Variants in TLL2 observed in about 807,000 individuals in gnomAD.
TLL2 encodes tolloid-like protein 2.
In TLL2, 106 loss-of-function variants were observed where a neutral mutation model predicts 123.0. The ratio of observed to expected loss-of-function variants is 0.86; its 90% confidence interval spans 0.74 to 1.01. The LOEUF (loss-of-function observed/expected upper bound fraction) is 1.01. Among genes scored for constraint, TLL2 ranks in the 50% least tolerant of loss-of-function variants. TLL2 has a pLI of 0.00. For missense variants in TLL2, 1,332 were observed against 1,336.7 expected (o/e 1.00, Z 0.06); for synonymous variants, 494 against 516.8 (o/e 0.96, Z 0.60).
At chr10:96,441,341 G>A (rs1192730996) in intron 3 of TLL2, among the ~76,000 whole-genome samples, 2 of 152,330 alleles carry the variant, frequency 1.3e-5, no homozygotes, top group Middle Eastern at 3.4e-3. Context: ...GCTGAAGGCC[G>A]CTAAGTAAAG....
Position 96,387,067 on chromosome 10 carries a change from A to T in TLL2, c.1738T>A (p.Cys580Ser), listed in dbSNP as rs1347243076. The T allele has an allele frequency of 1.2e-6, 2 of 1,613,186 alleles. No individual in the cohort carries two copies. The highest frequency in any genetic ancestry group is 2.7e-5 in the African/African-American group (2 of 75,028). Residue 580 changes from cysteine (C) to serine (S), a missense_variant, in exon 14 of 21, where the codon TGT (cysteine) becomes AGT (serine). By Grantham distance (112) the Cys-to-Ser change is moderately radical. Transcript: ENST00000357947. Reference sequence around the variant, plus strand: ...CACCCGCCGTGATCTGGCCAGGAACACTCATCCACCTCTGGTGGGGAAGGA... The same window carrying T: ...CACCCGCCGTGATCTGGCCAGGAACTCTCATCCACCTCTGGTGGGGAAGGA... ...AANFFKEVDE[C>S]SWPDHGGCEH...
At chr10:96,393,112 A>G (rs888635688) in intron 13 of TLL2, among the ~76,000 whole-genome samples, 1 of 152,186 alleles carries the variant, frequency 6.6e-6, no homozygotes, top group Non-Finnish European at 1.5e-5. Flanking sequence ...AAAGAAATAG[A>G]TTCTCCCTTA....
At position 96,376,826 on chromosome 10, in the gene TLL2, G is replaced by T; in HGVS notation, c.2321-7C>A. ...ATCTTGTGTGCACAGCCAGCTGGGG[G>T]TGGCAGGGGGACACATACAAAGAGA... On this transcript the variant is annotated splice_polypyrimidine_tract_variant and splice_region_variant and intron_variant, in intron 17 of 20. Coordinates refer to ENST00000357947, the MANE Select transcript of TLL2 (RefSeq NM_012465.4). 1 of 1,517,912 alleles carries T rather than the reference G, an allele frequency of 6.6e-7. No homozygotes were observed. Among genetic ancestry groups the T allele is most frequent in the Non-Finnish European group, 8.8e-7 (1 of 1,136,756 alleles). The allele number at this position is 1,517,912 out of a possible 1,614,324, so 94.0% of individuals were successfully genotyped here. A position where few individuals can be genotyped will look rare whatever the true frequency, so the allele number is the denominator to read the frequency against.
chr10:96,452,971 CAAATTT>C lies in TLL2; in HGVS notation c.287-6809_287-6804del, dbSNP rs554305444. Among the ~76,000 whole-genome samples the C allele has an allele frequency of 5.7e-3, 864 of 152,258 alleles. 15 individuals are homozygous for C. The South Asian group carries it at 0.074, about 13-fold the overall frequency. ...TGCCAAGTAACTTTTATATCCGTGCCAAATTTCATATGCTACAGAAGAGAACGGGAA... is the reference window on the plus strand; with the variant it reads ...TGCCAAGTAACTTTTATATCCGTGCCCATATGCTACAGAAGAGAACGGGAA... On this transcript the variant is annotated intron_variant, in intron 2 of 20. Transcript: ENST00000357947.
intron 13 of TLL2, among the ~76,000 whole-genome samples, chr10:96,390,742 G>A (rs1846279223): frequency 6.6e-6 from 1 of 152,222 alleles, no homozygotes; most frequent in Non-Finnish European, 1.5e-5. Flanking sequence ...GGAAAAGGCT[G>A]GGCTGGGGAA....
At chr10:96,494,326 T>C (rs1320590449) in intron 1 of TLL2, among the ~76,000 whole-genome samples, 1 of 152,162 alleles carries the variant, frequency 6.6e-6, no homozygotes, top group East Asian at 1.9e-4. Flanking sequence ...CGCTGCCACC[T>C]CCTATCACCA....
intron 9 of TLL2, among the ~76,000 whole-genome samples, chr10:96,405,678 C>G (rs536410455): frequency 6.6e-6 from 1 of 152,138 alleles, no homozygotes; most frequent in Non-Finnish European, 1.5e-5. Context: ...AAGGGGTCAG[C>G]GAAGTTCAGA....
rs573266016 is a variant in TLL2, at chr10:96,376,451, G to A, written c.2448+241C>T. On this transcript the variant is annotated intron_variant, in intron 18 of 20. Transcript: ENST00000357947. ...GTGGGTGGTGGATGCCGCCTCCTGC[G>A]GGTCCCACTGTGCCCAGGTGTGACC... is the stretch of plus-strand genomic sequence containing the variant. Among the ~76,000 whole-genome samples, 6 of 152,350 alleles carry A rather than the reference G, an allele frequency of 3.9e-5. No homozygotes were observed. The East Asian group carries it at 5.8e-4, about 15-fold the overall frequency.
intron 2 of TLL2, among the ~76,000 whole-genome samples, chr10:96,479,825 G>A (rs1472502155): frequency 6.6e-6 from 1 of 152,164 alleles, no homozygotes; most frequent in Non-Finnish European, 1.5e-5. Flanking sequence ...CTCAAATAAG[G>A]AGAGTCCCCC....
intron 4 of TLL2, 49 bp from the exon 5 acceptor site, chr10:96,428,797 C>A: frequency 8.1e-7 from 1 of 1,233,028 alleles, no homozygotes. Flanking sequence ...TCCATATTTT[C>A]TTTAGATGCT....
intron 9 of TLL2, 149 bp from the exon 10 acceptor site, chr10:96,405,483 A>G (rs1846441083): frequency 6.0e-6 from 4 of 671,102 alleles, no homozygotes; most frequent in Non-Finnish European, 1.0e-5. Flanking sequence ...GCATGCTCAC[A>G]GGAAACCTAA....
intron 1 of TLL2, among the ~76,000 whole-genome samples, chr10:96,481,726 T>G (rs979535527): frequency 2.0e-5 from 3 of 152,214 alleles, no homozygotes; most frequent in Non-Finnish European, 2.9e-5. Flanking sequence ...CCTTGGTTGT[T>G]ATTAACTATG....
intron 17 of TLL2, 71 bp downstream of exon 17, chr10:96,378,896 A>T (rs1846160871): frequency 6.3e-7 from 1 of 1,586,214 alleles, no homozygotes; most frequent in Admixed American, 1.7e-5. Context: ...TTACTCATGC[A>T]CATGCACACA....
At chr10:96,442,712 A>G (rs556914191) in intron 3 of TLL2, among the ~76,000 whole-genome samples, 165 of 152,180 alleles carry the variant, frequency 1.1e-3, no homozygotes, top group African/African-American at 3.5e-3. Context: ...GCTGTGCACA[A>G]CCCCACCAGA....
chr10:96,367,928 G>T lies in TLL2; in HGVS notation c.*160C>A. The T allele has an allele frequency of 1.2e-6, 1 of 869,228 alleles. No homozygotes were observed. Among genetic ancestry groups the T allele is most frequent in the Non-Finnish European group, 1.7e-6 (1 of 592,524 alleles). 53.8% of individuals were successfully genotyped at this position (869,228 alleles called of 1,614,324 possible). A position where few individuals can be genotyped will look rare whatever the true frequency, so the allele number is the denominator to read the frequency against. On this transcript the variant is annotated 3_prime_UTR_variant, in exon 21 of 21. Transcript: ENST00000357947. ...TCCACCTTGTTGGCCAAACTTACAA[G>T]ACTTTCATTCAAATATATACCTCTA...
intron 7 of TLL2, among the ~76,000 whole-genome samples, chr10:96,418,178 G>A (rs1846583226): frequency 6.6e-6 from 1 of 151,970 alleles, no homozygotes; most frequent in African/African-American, 2.4e-5. Context: ...ATCCCCTGAG[G>A]GACAAAAGGC....
chr10:96,421,078 T>G lies in TLL2; in HGVS notation c.818-17A>C, dbSNP rs1360470795. The stretch of plus-strand genomic sequence containing the variant: ...ACTCCTGACCTGTGACACAACACTG[T>G]GTTAAGCCCTTTGAAAACCAAGTCA... On this transcript the variant is annotated splice_polypyrimidine_tract_variant and intron_variant, in intron 6 of 20. Coordinates refer to ENST00000357947, the MANE Select transcript of TLL2 (RefSeq NM_012465.4). The G allele has an allele frequency of 1.2e-6, 2 of 1,607,552 alleles. No individual in the cohort carries two copies. The highest frequency in any genetic ancestry group is 1.1e-5 in the South Asian group (1 of 90,870).
intron 2 of TLL2, among the ~76,000 whole-genome samples, chr10:96,476,612 T>C (rs1209333628): frequency 6.7e-6 from 1 of 148,858 alleles, no homozygotes; most frequent in East Asian, 1.9e-4. Flanking sequence ...CAGAAAGTTA[T>C]TTATAGAAAC....
At chr10:96,472,700 T>C (rs1281687894) in intron 2 of TLL2, among the ~76,000 whole-genome samples, 1 of 151,924 alleles carries the variant, frequency 6.6e-6, no homozygotes, top group Non-Finnish European at 1.5e-5. Context: ...AGGTTGAGGC[T>C]GCAGTGCACC....
Sources: gnomAD v4.1 joint callset for allele counts (sites outside exome capture counted in the v4.1 genomes callset) on GRCh38, gnomAD v4.1.1 for gene constraint, MANE v1.5 for transcripts, NCBI Gene and HGNC (gene_info 2026-07-23, HGNC 2026-07-21) for gene names.